The following NLGN4X variants were observed in gnomAD, a reference collection of about 807,000 sequenced individuals.
NLGN4X encodes the protein neuroligin-4, X-linked.
NLGN4X carries 3 observed loss-of-function variants against 40.3 expected under a neutral mutation model. That is an observed-to-expected ratio of 0.07 (90% CI 0.03 to 0.19). NLGN4X has a LOEUF of 0.19. Ranked by LOEUF, NLGN4X falls within the 10% of genes least tolerant of loss-of-function variation. NLGN4X has a pLI of 1.00. For missense variants in NLGN4X, 382 were observed against 708.3 expected (o/e 0.54, Z 5.23); for synonymous variants, 270 against 306.8 (o/e 0.88, Z 1.25).
At chrX:6,019,543 C>T (rs1057399952) in intron 3 of NLGN4X, among the ~76,000 whole-genome samples, 2 of 111,633 alleles carry the variant, frequency 1.8e-5, no homozygotes, top group Non-Finnish European at 3.8e-5. Flanking sequence ...TAGATACTGA[C>T]AGAATTATCA....
At chrX:5,951,755 C>T (rs1275879433) in intron 3 of NLGN4X, among the ~76,000 whole-genome samples, 3 of 110,963 alleles carry the variant, frequency 2.7e-5, no homozygotes, top group South Asian at 3.9e-4. Context: ...AGGAATTCCA[C>T]TCATGAGGCT....
intron 2 of NLGN4X, among the ~76,000 whole-genome samples, chrX:6,082,983 G>A (rs1384640966): frequency 1.3e-5 from 1 of 74,888 alleles, no homozygotes; most frequent in East Asian, 4.0e-4. Context: ...TTTTTGAGAC[G>A]GAGTCTCGCT....
chrX:6,157,747 C>T (rs753256808), intron 1 of NLGN4X, among the ~76,000 whole-genome samples: 1 of 111,295 alleles, frequency 9.0e-6, no homozygotes, highest in African/African-American at 3.3e-5. Flanking sequence ...TCTGGGGCAT[C>T]CACCCTCATG....
At chrX:6,196,325 G>C (rs1216657543) in intron 1 of NLGN4X, among the ~76,000 whole-genome samples, 1 of 110,764 alleles carries the variant, frequency 9.0e-6, no homozygotes, top group Non-Finnish European at 1.9e-5. Flanking sequence ...GCCGAGGTGG[G>C]CGGATCACGA....
At chrX:6,097,745 A>G (rs2038814085) in intron 2 of NLGN4X, among the ~76,000 whole-genome samples, 8 of 111,694 alleles carry the variant, frequency 7.2e-5, no homozygotes, top group Admixed American at 6.7e-4. Context: ...TAGTTCAGGG[A>G]CACTCCCTCA....
At chrX:6,164,527 C>T (rs2040461648) in intron 1 of NLGN4X, among the ~76,000 whole-genome samples, 1 of 112,080 alleles carries the variant, frequency 8.9e-6, no homozygotes, top group South Asian at 3.7e-4. Context: ...ATCATGTGGA[C>T]AGTTGGAGGT....
At chrX:6,070,878 T>A (rs2038047122) in intron 2 of NLGN4X, among the ~76,000 whole-genome samples, 2 of 111,544 alleles carry the variant, frequency 1.8e-5, no homozygotes, top group African/African-American at 3.3e-5. Context: ...GAGAACTCAC[T>A]CACTATCATT....
At chrX:6,184,615 C>T (rs1921832441) in intron 1 of NLGN4X, among the ~76,000 whole-genome samples, 1 of 110,673 alleles carries the variant, frequency 9.0e-6, no homozygotes, top group African/African-American at 3.3e-5. Flanking sequence ...AAAAAAAATT[C>T]ATAAGACATT....
At chrX:6,160,886 GAAT>G (rs1482182704) in intron 1 of NLGN4X, among the ~76,000 whole-genome samples, 1 of 87,893 alleles carries the variant, frequency 1.1e-5, no homozygotes, top group Admixed American at 1.4e-4. Context: ...TATAGAGAGA[GAAT>G]AATATAAAAT....
chrX:6,114,972 T>C (rs2039245169), intron 2 of NLGN4X, among the ~76,000 whole-genome samples: 2 of 112,535 alleles, frequency 1.8e-5, no homozygotes, highest in African/African-American at 6.5e-5. Context: ...TCTTCAATTG[T>C]TATAGTCTAA....
At chrX:6,143,029 G>A (rs2039979566) in intron 2 of NLGN4X, among the ~76,000 whole-genome samples, 1 of 111,953 alleles carries the variant, frequency 8.9e-6, no homozygotes, top group African/African-American at 3.2e-5. Context: ...CATTTATTAT[G>A]CCTAGACTAA....
intron 5 of NLGN4X, among the ~76,000 whole-genome samples, chrX:5,897,505 C>A (rs972071169): frequency 3.6e-5 from 4 of 111,993 alleles, no homozygotes; most frequent in Admixed American, 1.9e-4. Flanking sequence ...TTCTACAATG[C>A]CTCTGCATGT....
chrX:5,991,431 T>C, intron 3 of NLGN4X: 1 of 518,210 alleles, frequency 1.9e-6, no homozygotes. Flanking sequence ...CATCCTCATT[T>C]CTGAAAGGGG....
intron 1 of NLGN4X, among the ~76,000 whole-genome samples, chrX:6,174,241 G>A (rs1425524480): frequency 9.1e-6 from 1 of 110,406 alleles, no homozygotes; most frequent in African/African-American, 3.3e-5. Flanking sequence ...CAGTCAGAAA[G>A]GCCATCATTA....
chrX:6,085,370 T>C (rs1602201876), intron 2 of NLGN4X, among the ~76,000 whole-genome samples: 1 of 111,547 alleles, frequency 9.0e-6, no homozygotes, highest in Admixed American at 9.5e-5. Flanking sequence ...CTCCACACCA[T>C]TGTCCTTCAG....
rs186622887 is a variant in NLGN4X, at chrX:6,179,665, T to C, written c.-305-27894A>G. Among the ~76,000 whole-genome samples, 15 of 112,129 alleles carry C rather than the reference T, an allele frequency of 1.3e-4. No homozygotes were observed. The East Asian group carries it at 4.0e-3, about 30-fold the overall frequency. ...TGGTGTTCACACCATATTATATGGC[T>C]GTCATTGCTTTCAGTTTTCTCAGTA... On this transcript the variant is annotated intron_variant, in intron 1 of 5. Coordinates refer to ENST00000381095, the MANE Select transcript of NLGN4X (RefSeq NM_181332.3).
chrX:5,957,125 C>A (rs1569152931), intron 3 of NLGN4X, among the ~76,000 whole-genome samples: 1 of 111,674 alleles, frequency 9.0e-6, no homozygotes, highest in African/African-American at 3.3e-5. Context: ...TCTCATACAT[C>A]CACTAACATC....
intron 2 of NLGN4X, among the ~76,000 whole-genome samples, chrX:6,135,692 C>T (rs755788363): frequency 4.5e-5 from 5 of 111,389 alleles, no homozygotes; most frequent in East Asian, 5.7e-4. Flanking sequence ...TAGGCCAGTA[C>T]GCATAGTTGC....
intron 2 of NLGN4X, among the ~76,000 whole-genome samples, chrX:6,069,044 C>T (rs1308315387): frequency 8.9e-6 from 1 of 111,821 alleles, no homozygotes; most frequent in Non-Finnish European, 1.9e-5. Context: ...AATCCCAGCA[C>T]TTTGGGAGAC....
Sources: gnomAD v4.1 joint callset for allele counts (sites outside exome capture counted in the v4.1 genomes callset) on GRCh38, gnomAD v4.1.1 for gene constraint, MANE v1.5 for transcripts, NCBI Gene and HGNC (gene_info 2026-07-23, HGNC 2026-07-21) for gene names.